FAIM2: variants seen among roughly 807,000 people sequenced by gnomAD.
FAIM2 encodes Fas apoptotic inhibitory molecule 2.
In FAIM2, 27 loss-of-function variants were observed where a neutral mutation model predicts 47.4. The ratio of observed to expected loss-of-function variants is 0.57; its 90% confidence interval spans 0.42 to 0.78. The LOEUF (loss-of-function observed/expected upper bound fraction) is 0.78, where lower values mean the gene tolerates loss of function less well. Ranked by LOEUF, FAIM2 falls within the 30% of genes least tolerant of loss-of-function variation. The pLI is 0.00. For missense variants in FAIM2, 311 were observed against 389.4 expected, an observed-to-expected ratio of 0.80 and a Z score of 1.69; for synonymous variants, 156 against 159.3, an observed-to-expected ratio of 0.98 and a Z score of 0.16.
chr12:49,877,847 GGTGTGTGCAT>G (rs1199735204), intron 11 of FAIM2, among the ~76,000 whole-genome samples: 2 of 151,252 alleles, frequency 1.3e-5, no homozygotes, highest in Non-Finnish European at 3.0e-5. Context: ...TATGTGTGTA[GGTGTGTGCAT>G]GTGTGTGTGA....
intron 11 of FAIM2, among the ~76,000 whole-genome samples, chr12:49,879,726 G>C (rs1050133207): frequency 3.3e-5 from 5 of 150,252 alleles, no homozygotes; most frequent in Admixed American, 6.6e-5. Context: ...ATATGTGCAA[G>C]TGTGTGTCTG....
chr12:49,894,607 C>T (rs2137102991), intron 5 of FAIM2, among the ~76,000 whole-genome samples: 1 of 152,318 alleles, frequency 6.6e-6, no homozygotes, highest in South Asian at 2.1e-4. Context: ...AGTCTGTTTA[C>T]AGAATGTCAG....
chr12:49,898,033 G>A lies in FAIM2; in HGVS notation c.269C>T (p.Thr90Ile). Residue 90 changes from threonine (T) to isoleucine (I), a missense_variant, in exon 3 of 12, where the codon ACT becomes ATT. By Grantham distance (89) the Thr-to-Ile change is moderately conservative (BLOSUM62 -1). Coordinates refer to ENST00000320634, the MANE Select transcript of FAIM2 (RefSeq NM_012306.4). ...AACTTTCTGGTCATCCCAGCTGAAA[G>A]TGGTGAAGAGCTCATGGTCTCCGGT... ...FPTGDHELFT[T>I]FSWDDQKVRR... 1.2e-6 allele frequency: 2 copies of A among 1,614,146 alleles called. No homozygotes were observed. The highest frequency in any genetic ancestry group is 1.7e-6 in the Non-Finnish European group (2 of 1,180,000).
intron 5 of FAIM2, among the ~76,000 whole-genome samples, chr12:49,894,620 CAG>C (rs1316242902): frequency 6.6e-6 from 1 of 152,164 alleles, no homozygotes; most frequent in Non-Finnish European, 1.5e-5. Context: ...AATGTCAGGA[CAG>C]GGAAGTAAGG....
chr12:49,900,033 G>A lies in FAIM2; in HGVS notation c.211+1097C>T, dbSNP rs148276278. ...CCCTCTTGTCCTTCACTTCTCCCTC[G>A]TGTCCTGTCTACATATTCTGCGAAA... On this transcript the variant is annotated intron_variant, in intron 2 of 11. Coordinates refer to ENST00000320634, the MANE Select transcript of FAIM2 (RefSeq NM_012306.4). 1,016 of 319,902 alleles carry A rather than the reference G, an allele frequency of 3.2e-3. 10 individuals carry two copies. The highest frequency in any genetic ancestry group is 0.02 in the African/African-American group (923 of 46,408). The allele number at this position is 319,902 out of a possible 1,614,324, so 19.8% of individuals were successfully genotyped here. A position where few individuals can be genotyped will look rare whatever the true frequency, so the allele number is the denominator to read the frequency against.
intron 11 of FAIM2, among the ~76,000 whole-genome samples, chr12:49,884,246 CAGAG>C (rs1226385601): frequency 1.4e-5 from 2 of 147,944 alleles, no homozygotes; most frequent in Non-Finnish European, 3.0e-5. Flanking sequence ...AAACAAAAAA[CAGAG>C]AGAGAGAGAG....
At chr12:49,876,821 A>C (rs1342076347) in intron 11 of FAIM2, among the ~76,000 whole-genome samples, 1 of 152,142 alleles carries the variant, frequency 6.6e-6, no homozygotes, top group African/African-American at 2.4e-5. Flanking sequence ...CCATGTGCCA[A>C]GTGTGAGGAG....
rs1405368323 is a variant in FAIM2 at position 49,879,046 on chromosome 12, TTGTG to T, written c.801+8336_801+8339del. On this transcript the variant is annotated intron_variant, in intron 11 of 11. Coordinates refer to ENST00000320634, the MANE Select transcript of FAIM2 (RefSeq NM_012306.4). ...TATGTGTGTGTCTGTGTGCATGAGT[TTGTG>T]TATGTGCATGTATGTATATGTGCAT... is the stretch of plus-strand genomic sequence containing the variant. Among the ~76,000 whole-genome samples the T allele has an allele frequency of 5.6e-5, 7 of 125,230 alleles. 1 individual carries two copies. The highest frequency in any genetic ancestry group is 9.9e-5 in the Non-Finnish European group (6 of 60,492). The allele number at this position is 125,230 out of a possible 152,430, so 82.2% of individuals were successfully genotyped here. A position where few individuals can be genotyped will look rare whatever the true frequency, so the allele number is the denominator to read the frequency against.
chr12:49,870,265 G>C lies in FAIM2; in HGVS notation c.*239C>G, dbSNP rs113534663. 2.3e-6 allele frequency: 1 copy of C among 432,528 alleles called. No individual in the cohort carries two copies. The highest frequency in any genetic ancestry group is 4.2e-6 in the Non-Finnish European group (1 of 238,872). The allele number at this position is 432,528 out of a possible 1,614,324, so 26.8% of individuals were successfully genotyped here. On this transcript the variant is annotated 3_prime_UTR_variant, in exon 12 of 12. Transcript: ENST00000320634. Reference sequence around the variant, plus strand: ...GGAGCCTTCAGCCTTGACCGTCCCAGTTTGGAAGATGTAACGGGCGAATGG... The same window carrying C: ...GGAGCCTTCAGCCTTGACCGTCCCACTTTGGAAGATGTAACGGGCGAATGG...
At position 49,874,729 on chromosome 12, in the gene FAIM2, A is replaced by T. The variant is rs919280237; in HGVS notation, c.802-4076T>A. Reference sequence around the variant, plus strand: ...GTGTTGTATCAGCATAAACAGTGCCACGTGGACTGTGTCTGTCCTGCATAA... The same window carrying T: ...GTGTTGTATCAGCATAAACAGTGCCTCGTGGACTGTGTCTGTCCTGCATAA... On this transcript the variant is annotated intron_variant, in intron 11 of 11. Coordinates refer to ENST00000320634, the MANE Select transcript of FAIM2 (RefSeq NM_012306.4). This position sits in a 1 kb window ranked among gnomAD's most constrained non-coding sequence, Gnocchi z 4.2. Among the ~76,000 whole-genome samples the T allele has an allele frequency of 5.9e-5, 9 of 152,254 alleles. No homozygotes were observed. The highest frequency in any genetic ancestry group is 1.0e-4 in the Non-Finnish European group (7 of 68,048).
chr12:49,880,136 GTA>G (rs1177271170), intron 11 of FAIM2, among the ~76,000 whole-genome samples: 387 of 151,760 alleles, frequency 2.6e-3, no homozygotes, highest in African/African-American at 8.6e-3. Flanking sequence ...GTGAATGTGT[GTA>G]TATGTGAGTG....
chr12:49,879,539 TGA>T lies in FAIM2; in HGVS notation c.801+7845_801+7846del, dbSNP rs1263606530. On this transcript the variant is annotated intron_variant, in intron 11 of 11. Transcript: ENST00000320634. ...GTGTGTGTGTCCATGTGTATATATG[TGA>T]GTGTATGGGTGTATGTGCATGCATG... is the stretch of plus-strand genomic sequence containing the variant. 9.2e-5 allele frequency among the ~76,000 whole-genome samples: 14 copies of T among 151,784 alleles called. 1 individual carries two copies. The highest frequency in any genetic ancestry group is 3.9e-4 in the Admixed American group (6 of 15,248).
chr12:49,903,580 G>A (rs1946996203), intron 1 of FAIM2, among the ~76,000 whole-genome samples, 198 bp downstream of exon 1: 1 of 152,118 alleles, frequency 6.6e-6, no homozygotes, highest in Admixed American at 6.5e-5. Flanking sequence ...GAGGAGAGGC[G>A]CGCCTGCGGG....
chr12:49,895,765 CG>C (rs1241714331), intron 5 of FAIM2, among the ~76,000 whole-genome samples: 5 of 152,170 alleles, frequency 3.3e-5, no homozygotes, highest in Non-Finnish European at 7.4e-5. Context: ...CTGGGCTCGA[CG>C]TGGTCCAGGG....
chr12:49,894,794 A>G (rs999375580), intron 5 of FAIM2, among the ~76,000 whole-genome samples: 5 of 152,194 alleles, frequency 3.3e-5, no homozygotes, highest in Admixed American at 6.5e-5. Flanking sequence ...ACTTTCCTCA[A>G]CTGTTAAATG....
chr12:49,878,392 G>GTGTGTGTGCATGTA lies in FAIM2; in HGVS notation c.802-7740_802-7739insTACATGCACACACA, dbSNP rs142129827. On this transcript the variant is annotated intron_variant, in intron 11 of 11. Transcript: ENST00000320634. ...TGGGCATGTGCATGTGTGTATATGT[G>GTGTGTGTGCATGTA]TGTGTCTGTGTGCATGTGAGTGTAT... Among the ~76,000 whole-genome samples, 16 of 125,238 alleles carry GTGTGTGTGCATGTA rather than the reference G, an allele frequency of 1.3e-4. 1 individual carries two copies. The highest frequency in any genetic ancestry group is 5.6e-4 in the South Asian group (2 of 3,568). 82.2% of individuals were successfully genotyped at this position (125,238 alleles called of 152,430 possible).
rs1198636636 is a variant in FAIM2, at chr12:49,890,161, G to T, written c.526-7C>A. ...GGTAGGCCATGGACAGGGTCTGAAAGGAGAAGCAGGGTAAAGGAATGTTCC... is the reference window on the plus strand; with the variant it reads ...GGTAGGCCATGGACAGGGTCTGAAATGAGAAGCAGGGTAAAGGAATGTTCC... On this transcript the variant is annotated splice_region_variant and splice_polypyrimidine_tract_variant and intron_variant, in intron 7 of 11. Coordinates refer to ENST00000320634, the MANE Select transcript of FAIM2 (RefSeq NM_012306.4). 6.2e-7 allele frequency: 1 copy of T among 1,614,034 alleles called. No homozygotes were observed. Among genetic ancestry groups the T allele is most frequent in the East Asian group, 2.2e-5 (1 of 44,882 alleles).
intron 11 of FAIM2, among the ~76,000 whole-genome samples, chr12:49,875,333 G>A (rs1047019991): frequency 3.3e-5 from 5 of 152,134 alleles, no homozygotes; most frequent in African/African-American, 4.8e-5. Context: ...CCCAGCCCAG[G>A]GACAGCTAGA....
chr12:49,887,498 AG>A lies in FAIM2; in HGVS notation c.748-60del, dbSNP rs916293655. The A allele has an allele frequency of 4.2e-6, 6 of 1,440,706 alleles. No homozygotes were observed. In the African/African-American group the frequency reaches 8.4e-5, roughly 20 times the overall value. The allele number at this position is 1,440,706 out of a possible 1,614,324, so 89.2% of individuals were successfully genotyped here. The stretch of plus-strand genomic sequence containing the variant: ...AAGAAGGGGCAGCAGTCAGAGGGGC[AG>A]GGAGGAGGGTTCAGTCCAGAGAATG... On this transcript the variant is annotated intron_variant, in intron 10 of 11. Coordinates refer to ENST00000320634, the MANE Select transcript of FAIM2 (RefSeq NM_012306.4).
Sources: allele counts gnomAD v4.1 joint callset (sites outside exome capture counted in the v4.1 genomes callset), GRCh38; gene constraint gnomAD v4.1.1; non-coding constraint Gnocchi (gnomAD v3.1); transcripts MANE v1.5; gene names NCBI Gene and HGNC (gene_info 2026-07-23, HGNC 2026-07-21).